HIVEP2: variants seen among roughly 807,000 people sequenced by gnomAD.
HIVEP2 encodes transcription factor HIVEP2.
HIVEP2 carries 14 observed loss-of-function variants against 180.7 expected under a neutral mutation model. That is an observed-to-expected ratio of 0.08 (90% CI 0.05 to 0.12). HIVEP2 has a LOEUF of 0.12. Among genes scored for constraint, HIVEP2 ranks in the 10% least tolerant of loss-of-function variants. The pLI is 1.00. For synonymous variants in HIVEP2, 1,184 were observed against 1,136.4 expected (o/e 1.04, Z -0.84); for missense variants, 2,579 against 3,008.5 (o/e 0.86, Z 3.34).
At chr6:142,844,293 C>CT (rs1554217005) in intron 1 of HIVEP2, among the ~76,000 whole-genome samples, 47 of 147,180 alleles carry the variant, frequency 3.2e-4, no homozygotes, top group Admixed American at 4.7e-4. Context: ...AATCTCTAAA[C>CT]TTTTTTTTTT....
At chr6:142,852,083 T>C (rs1166572462) in intron 1 of HIVEP2, among the ~76,000 whole-genome samples, 1 of 152,180 alleles carries the variant, frequency 6.6e-6, no homozygotes, top group East Asian at 1.9e-4. Flanking sequence ...ATTGATGGGT[T>C]TGGGAGACTT....
intron 1 of HIVEP2, among the ~76,000 whole-genome samples, chr6:142,856,295 G>GA (rs1775820909): frequency 6.9e-6 from 1 of 145,128 alleles, no homozygotes. Context: ...CATTCCCAGA[G>GA]AAAAAAGTGA....
intron 1 of HIVEP2, among the ~76,000 whole-genome samples, chr6:142,870,092 A>G (rs1485183854): frequency 6.6e-6 from 1 of 151,968 alleles, no homozygotes; most frequent in Non-Finnish European, 1.5e-5. Flanking sequence ...TACATATCAC[A>G]GACAGAAGGT....
intron 1 of HIVEP2, among the ~76,000 whole-genome samples, chr6:142,858,950 G>A (rs1390449743): frequency 6.6e-6 from 1 of 152,102 alleles, no homozygotes; most frequent in Non-Finnish European, 1.5e-5. Flanking sequence ...CTATACTGCA[G>A]TTTGTTTACA....
intron 2 of HIVEP2, among the ~76,000 whole-genome samples, chr6:142,784,295 TTTG>T (rs1320705532): frequency 6.6e-6 from 1 of 152,206 alleles, no homozygotes; most frequent in African/African-American, 2.4e-5. Flanking sequence ...TAATCGTATA[TTTG>T]TTATTTTTTT....
chr6:142,755,988 T>G (rs979204843), intron 9 of HIVEP2, among the ~76,000 whole-genome samples: 3 of 152,226 alleles, frequency 2.0e-5, no homozygotes, highest in Admixed American at 2.0e-4. Flanking sequence ...AATTTGGGCC[T>G]TATAAATGTG....
chr6:142,930,985 C>T (rs2128438499), intron 1 of HIVEP2, among the ~76,000 whole-genome samples: 1 of 152,052 alleles, frequency 6.6e-6, no homozygotes, highest in South Asian at 2.1e-4. Flanking sequence ...ATCAAAGTAC[C>T]CACTCAGGAA....
intron 1 of HIVEP2, among the ~76,000 whole-genome samples, chr6:142,892,312 C>G (rs138281316): frequency 6.6e-6 from 1 of 152,262 alleles, no homozygotes; most frequent in Non-Finnish European, 1.5e-5. Context: ...GAAGTCATGT[C>G]TAAGGGCACC....
At chr6:142,897,114 A>G (rs1777018016) in intron 1 of HIVEP2, among the ~76,000 whole-genome samples, 1 of 152,196 alleles carries the variant, frequency 6.6e-6, no homozygotes. Context: ...TAAAAAGAGA[A>G]TATACAACAG....
intron 1 of HIVEP2, among the ~76,000 whole-genome samples, chr6:142,883,251 C>A (rs117154066): frequency 1.3e-5 from 2 of 152,014 alleles, no homozygotes; most frequent in East Asian, 3.9e-4. Flanking sequence ...TACAAAAATA[C>A]CAAAGCAGAT....
intron 1 of HIVEP2, among the ~76,000 whole-genome samples, chr6:142,883,430 A>C (rs1776624334): frequency 1.3e-5 from 2 of 152,102 alleles, no homozygotes. Context: ...TGCAATCAAC[A>C]GACAAGCAGC....
intron 2 of HIVEP2, among the ~76,000 whole-genome samples, chr6:142,791,928 G>A (rs1434353402): frequency 6.6e-6 from 1 of 152,194 alleles, no homozygotes; most frequent in Non-Finnish European, 1.5e-5. Context: ...AGTATATGAA[G>A]ACAGGAGATT....
At position 142,759,980 on chromosome 6, in the gene HIVEP2, C is replaced by G; in HGVS notation, c.6308G>C (p.Arg2103Thr). The G allele has an allele frequency of 6.2e-7, 1 of 1,614,020 alleles. No homozygotes were observed. The highest frequency in any genetic ancestry group is 8.5e-7 in the Non-Finnish European group (1 of 1,180,004). Residue 2103 changes from arginine to threonine, a missense_variant, in exon 9 of 10, where the codon AGA becomes ACA. By Grantham distance (71) the Arg-to-Thr change is moderately conservative. Transcript: ENST00000367603. ...EAALRREMSQ[R>T]DVSPRRHLSP... ...CAAATGCCTTCTTGGTGAAACATCT[C>G]TTTGGGACATCTCTCTTCTCAATGC... is the stretch of plus-strand genomic sequence containing the variant.
At chr6:142,765,344 C>T (rs1475185522) in intron 6 of HIVEP2, among the ~76,000 whole-genome samples, 2 of 152,150 alleles carry the variant, frequency 1.3e-5, no homozygotes, top group African/African-American at 2.4e-5. Context: ...AAAAAGCATA[C>T]CAACATGTTC....
chr6:142,788,688 G>T (rs543009033), intron 2 of HIVEP2, among the ~76,000 whole-genome samples: 8 of 152,168 alleles, frequency 5.3e-5, no homozygotes, highest in African/African-American at 1.9e-4. Context: ...ACTCCAGTCT[G>T]GGTAACAGAG....
chr6:142,874,099 G>T (rs977348103), intron 1 of HIVEP2, among the ~76,000 whole-genome samples: 1 of 152,028 alleles, frequency 6.6e-6, no homozygotes, highest in Non-Finnish European at 1.5e-5. Context: ...CGTGTAGGCG[G>T]GATATTTTCA....
At chr6:142,819,955 C>T (rs540091237) in intron 2 of HIVEP2, among the ~76,000 whole-genome samples, 32 of 152,224 alleles carry the variant, frequency 2.1e-4, no homozygotes, top group African/African-American at 7.5e-4. Flanking sequence ...ATAGCAAAAT[C>T]CTTTCAGCAG....
intron 9 of HIVEP2, among the ~76,000 whole-genome samples, chr6:142,758,840 C>A (rs1343025428): frequency 6.6e-6 from 1 of 151,996 alleles, no homozygotes; most frequent in Non-Finnish European, 1.5e-5. Context: ...CTCCTTGGGC[C>A]CACGCTTCCA....
At chr6:142,918,200 A>C (rs1398971477) in intron 1 of HIVEP2, among the ~76,000 whole-genome samples, 1 of 149,988 alleles carries the variant, frequency 6.7e-6, no homozygotes, top group Non-Finnish European at 1.5e-5. Context: ...TTCCCTATTT[A>C]TTTTATTTAC....
Sources: gnomAD v4.1 joint callset for allele counts (sites outside exome capture counted in the v4.1 genomes callset) on GRCh38, gnomAD v4.1.1 for gene constraint, MANE v1.5 for transcripts, NCBI Gene and HGNC (gene_info 2026-07-23, HGNC 2026-07-21) for gene names.